Variants in KNTC1 observed in about 807,000 individuals in gnomAD.
KNTC1 encodes kinetochore associated 1.
KNTC1 carries 253 observed loss-of-function variants against 314.4 expected under a neutral mutation model. That is an observed-to-expected ratio of 0.80 (90% CI 0.73 to 0.89). The LOEUF is 0.89. Ranked by LOEUF, KNTC1 falls within the 40% of genes least tolerant of loss-of-function variation. The pLI, the probability that KNTC1 is intolerant of heterozygous loss-of-function variation, is 0.00. For synonymous variants in KNTC1, 901 were observed against 901.4 expected (o/e 1.00, Z 0.01); for missense variants, 2,475 against 2,572.9 (o/e 0.96, Z 0.82).
intron 62 of KNTC1, among the ~76,000 whole-genome samples, chr12:122,623,454 A>G (rs908806227): frequency 1.3e-5 from 2 of 152,176 alleles, no homozygotes; most frequent in Non-Finnish European, 2.9e-5. Context: ...TTACCACTCC[A>G]TGGATTTCCA....
At chr12:122,581,173 AT>A (rs1206659782) in intron 33 of KNTC1, among the ~76,000 whole-genome samples, 5 of 148,836 alleles carry the variant, frequency 3.4e-5, no homozygotes, top group African/African-American at 1.2e-4. Context: ...CAATTCAATG[AT>A]TTTTTTGTTA....
chr12:122,587,293 G>A (rs976644858), intron 38 of KNTC1, among the ~76,000 whole-genome samples: 9 of 152,090 alleles, frequency 5.9e-5, no homozygotes, highest in African/African-American at 1.9e-4. Context: ...ACAAAAAATC[G>A]TAGTTCTAGA....
At position 122,588,733 on chromosome 12, in the gene KNTC1, G is replaced by A. The variant is rs1437294108; in HGVS notation, c.3916G>A (p.Val1306Ile). ...AAAGTTATTTGGAGAGACTACATTA[G>A]TTAAATCAAGGCATGTTGTTATGGA... ...SEKLFGETTL[V>I]KSRHVVMELK... Residue 1306 changes from valine to isoleucine, a missense_variant, in exon 40 of 64, where the codon GTT becomes ATT. Val to Ile is a conservative substitution (Grantham distance 29). Transcript: ENST00000333479. 1.3e-6 allele frequency: 2 copies of A among 1,545,804 alleles called. No homozygotes were observed. The highest frequency in any genetic ancestry group is 1.7e-4 in the Middle Eastern group (1 of 5,922).
rs769308907 is a variant in KNTC1 at position 122,620,620 on chromosome 12, A to G, written c.6279+12A>G. ...ACCAGCAAATTAAGGTATCGTGCAC[A>G]TGATTCCTCTGGGCTGCCAAGGAAA... On this transcript the variant is annotated intron_variant, in intron 60 of 63. Transcript: ENST00000333479. 1 of 1,611,476 alleles carries G rather than the reference A, an allele frequency of 6.2e-7. No individual in the cohort carries two copies. The highest frequency in any genetic ancestry group is 1.7e-5 in the Admixed American group (1 of 59,768).
chr12:122,596,088 T>G (rs546541672), intron 43 of KNTC1, among the ~76,000 whole-genome samples: 2 of 148,392 alleles, frequency 1.3e-5, no homozygotes, highest in South Asian at 4.4e-4. Context: ...TCTTTTTTTT[T>G]TTTTTTTTTT....
chr12:122,609,810 G>A lies in KNTC1; in HGVS notation c.5543+380G>A, dbSNP rs189893910. Among the ~76,000 whole-genome samples, 261 of 152,230 alleles carry A rather than the reference G, an allele frequency of 1.7e-3. 7 individuals carry two copies. The highest frequency in any genetic ancestry group is 0.014 in the South Asian group (66 of 4,822). ...GATTCTTTTTGCTCTTCTAACCTAC[G>A]ACTGAGGCCTAGAAAGGCACATTGA... On this transcript the variant is annotated intron_variant, in intron 52 of 63. Transcript: ENST00000333479.
intron 29 of KNTC1, among the ~76,000 whole-genome samples, 153 bp from the exon 30 acceptor site, chr12:122,576,742 T>C (rs1282823006): frequency 1.3e-5 from 2 of 152,144 alleles, no homozygotes; most frequent in African/African-American, 4.8e-5. Context: ...GACTGTGGAA[T>C]GATCAGAATA....
At chr12:122,590,930 A>G (rs1252289360) in intron 41 of KNTC1, among the ~76,000 whole-genome samples, 195 bp downstream of exon 41, 1 of 152,088 alleles carries the variant, frequency 6.6e-6, no homozygotes, top group Non-Finnish European at 1.5e-5. Context: ...TGTTCAACCC[A>G]AAGAATTACA....
At chr12:122,536,508 C>G (rs1041422064) in intron 3 of KNTC1, among the ~76,000 whole-genome samples, 1 of 151,166 alleles carries the variant, frequency 6.6e-6, no homozygotes, top group African/African-American at 2.4e-5. Context: ...AGACGTGAGC[C>G]ACCGTGCCAG....
At chr12:122,536,670 C>T (rs1961865801) in intron 3 of KNTC1, among the ~76,000 whole-genome samples, 2 of 151,948 alleles carry the variant, frequency 1.3e-5, no homozygotes, top group South Asian at 2.1e-4. Flanking sequence ...CAGGCGCCTG[C>T]CACCATGCCT....
intron 10 of KNTC1, 63 bp downstream of exon 10, chr12:122,546,737 CTTACAAAG>C (rs1962798285): frequency 1.8e-6 from 2 of 1,088,982 alleles, no homozygotes; most frequent in Non-Finnish European, 2.7e-6. Context: ...AAATGTCAGA[CTTACAAAG>C]GCAAGGGTTT....
At chr12:122,539,879 T>G in intron 5 of KNTC1, 125 bp downstream of exon 5, 1 of 590,946 alleles carries the variant, frequency 1.7e-6, no homozygotes, top group Non-Finnish European at 2.9e-6. Context: ...GCTCCCAGGT[T>G]CAGGCGTCTC....
rs139546912 is a variant in KNTC1 at position 122,603,639 on chromosome 12, C to T, written c.5101+396C>T. 6.9e-3 allele frequency among the ~76,000 whole-genome samples: 1,053 copies of T among 152,048 alleles called. 10 individuals carry two copies. The highest frequency in any genetic ancestry group is 0.024 in the African/African-American group (1,003 of 41,464). On this transcript the variant is annotated intron_variant, in intron 48 of 63. Transcript: ENST00000333479. Reference sequence around the variant, plus strand: ...CCCCGAGTAGCTGGGACTACAGGTGCGCGCCATCATGCCCGGCTAATTTTT... The same window carrying T: ...CCCCGAGTAGCTGGGACTACAGGTGTGCGCCATCATGCCCGGCTAATTTTT...
intron 57 of KNTC1, among the ~76,000 whole-genome samples, chr12:122,615,911 G>A (rs1873714109): frequency 6.6e-6 from 1 of 152,060 alleles, no homozygotes; most frequent in Non-Finnish European, 1.5e-5. Flanking sequence ...GAGTTTTCCA[G>A]GCCTCACGAG....
chr12:122,590,311 CTTGTA>C lies in KNTC1; in HGVS notation c.4000-295_4000-291del, dbSNP rs1263139140. On this transcript the variant is annotated intron_variant, in intron 40 of 63. Coordinates refer to ENST00000333479, the MANE Select transcript of KNTC1 (RefSeq NM_014708.6). ...CTAAATATTTCAGTGCCCTATAGAA[CTTGTA>C]GTTGCTTTCCTTACTCTTCAGATAG... is the stretch of plus-strand genomic sequence containing the variant. Among the ~76,000 whole-genome samples, 3 of 152,060 alleles carry C rather than the reference CTTGTA, an allele frequency of 2.0e-5. No individual in the cohort carries two copies. The East Asian group carries it at 5.8e-4, about 29-fold the overall frequency.
At chr12:122,550,054 A>G (rs1197833558) in intron 13 of KNTC1, among the ~76,000 whole-genome samples, 190 bp downstream of exon 13, 2 of 152,294 alleles carry the variant, frequency 1.3e-5, no homozygotes, top group East Asian at 3.9e-4. Context: ...TTGATAGTCT[A>G]AGGTTAGTCA....
At chr12:122,618,673 G>T in intron 59 of KNTC1, 128 bp downstream of exon 59, 1 of 763,310 alleles carries the variant, frequency 1.3e-6, no homozygotes, top group Non-Finnish European at 2.2e-6. Flanking sequence ...GTTTGTTGTT[G>T]TTGTTGTTGT....
intron 30 of KNTC1, among the ~76,000 whole-genome samples, chr12:122,577,380 T>C (rs1965100343): frequency 6.6e-6 from 1 of 152,160 alleles, no homozygotes; most frequent in Non-Finnish European, 1.5e-5. Context: ...AAATGGATTT[T>C]CAGCATCAGG....
intron 11 of KNTC1, 104 bp downstream of exon 11, chr12:122,547,634 CTG>C (rs1471044460): frequency 6.4e-6 from 5 of 783,784 alleles, no homozygotes; most frequent in African/African-American, 5.2e-5. Flanking sequence ...CTAAACAACA[CTG>C]TGAAACAGTC....
Sources: allele counts gnomAD v4.1 joint callset (sites outside exome capture counted in the v4.1 genomes callset), GRCh38; gene constraint gnomAD v4.1.1; transcripts MANE v1.5; gene names NCBI Gene and HGNC (gene_info 2026-07-23, HGNC 2026-07-21).